The following NME1 variants were observed in gnomAD, a reference collection of about 807,000 sequenced individuals.
The protein encoded by NME1 is nucleoside diphosphate kinase A.
Under a neutral mutation model 17.2 loss-of-function variants are expected in NME1, and 9 were observed. The observed-to-expected ratio is 0.52, with a 90% CI of 0.32 to 0.92. The LOEUF (loss-of-function observed/expected upper bound fraction) is 0.92. Ranked by LOEUF, NME1 falls within the 40% of genes least tolerant of loss-of-function variation. The probability of loss-of-function intolerance (pLI) is 0.04; values close to 1 mark genes in which losing one functional copy is unlikely to be tolerated. For synonymous variants in NME1, 72 were observed against 70.8 expected, an observed-to-expected ratio of 1.02 and a Z score of -0.09; for missense variants, 169 against 201.7, an observed-to-expected ratio of 0.84 and a Z score of 0.98.
Position 51,162,076 on chromosome 17 carries a change from T to C in NME1, c.*231T>C, listed in dbSNP as rs2049872316. 1 of 479,152 alleles carries C rather than the reference T, an allele frequency of 2.1e-6. No individual in the cohort carries two copies. Among genetic ancestry groups the C allele is most frequent in the Non-Finnish European group, 3.8e-6 (1 of 263,062 alleles). 29.7% of individuals were successfully genotyped at this position (479,152 alleles called of 1,614,324 possible). A position where few individuals can be genotyped will look rare whatever the true frequency, so the allele number is the denominator to read the frequency against. Reference sequence around the variant, plus strand: ...TGGTTACTTCATATTGTTGCATTGCTTTTTTTTCCTTCTTTTCATGTACAC... The same window carrying C: ...TGGTTACTTCATATTGTTGCATTGCCTTTTTTTCCTTCTTTTCATGTACAC... On this transcript the variant is annotated 3_prime_UTR_variant, in exon 5 of 5. Transcript: ENST00000393196.
chr17:51,155,804 T>G, intron 2 of NME1, 24 bp downstream of exon 2: 1 of 1,612,242 alleles, frequency 6.2e-7, no homozygotes, highest in South Asian at 1.1e-5. Context: ...ATTGTTCCCA[T>G]TTTGATTCCT....
intron 2 of NME1, chr17:51,156,006 G>C: frequency 2.1e-6 from 1 of 481,724 alleles, no homozygotes; most frequent in South Asian, 2.0e-5. Context: ...GAGGTGCATT[G>C]CTACGGGAAA....
chr17:51,161,618 A>G (rs2049865455), intron 4 of NME1, 110 bp from the exon 5 acceptor site: 13 of 885,598 alleles, frequency 1.5e-5, no homozygotes, highest in Non-Finnish European at 2.5e-5. Context: ...AACATGGTCT[A>G]ATGTCCATGG....
rs978805401 is a variant in NME1 at position 51,162,064 on chromosome 17, T to C, written c.*219T>C. ...GATTCATTGAGTTGGTTACTTCATA[T>C]TGTTGCATTGCTTTTTTTTCCTTCT... On this transcript the variant is annotated 3_prime_UTR_variant, in exon 5 of 5. Coordinates refer to ENST00000393196, the MANE Select transcript of NME1 (RefSeq NM_000269.3). The C allele has an allele frequency of 1.1e-5, 6 of 528,400 alleles. No homozygotes were observed. Among genetic ancestry groups the C allele is most frequent in the Admixed American group, 9.6e-5 (3 of 31,188 alleles). 32.7% of individuals were successfully genotyped at this position (528,400 alleles called of 1,614,324 possible). A position where few individuals can be genotyped will look rare whatever the true frequency, so the allele number is the denominator to read the frequency against.
intron 3 of NME1, 127 bp from the exon 4 acceptor site, chr17:51,161,033 C>T (rs2049857018): frequency 1.1e-6 from 1 of 949,766 alleles, no homozygotes. Context: ...ACTCTATAAA[C>T]ATTTGTTCAG....
chr17:51,159,284 T>C (rs2049830467), intron 2 of NME1, among the ~76,000 whole-genome samples: 1 of 151,956 alleles, frequency 6.6e-6, no homozygotes, highest in South Asian at 2.1e-4. Context: ...TGAGACCCTA[T>C]CTCTACAAAT....
Position 51,155,726 on chromosome 17 carries a change from T to A in NME1, c.72T>A (p.Ile24=), listed in dbSNP as rs2049776688. Residue 24 remains isoleucine (I), a synonymous_variant, in exon 2 of 5, where the codon ATT becomes ATA. Coordinates refer to ENST00000393196, the MANE Select transcript of NME1 (RefSeq NM_000269.3). ...TCCAGCGGGGTCTTGTGGGAGAGATTATCAAGCGTTTTGAGCAGAAAGGAT... is the reference window on the plus strand; with the variant it reads ...TCCAGCGGGGTCTTGTGGGAGAGATAATCAAGCGTTTTGAGCAGAAAGGAT... ...DGVQRGLVGE[I]IKRFEQKGFR... 7 of 1,614,150 alleles carry A rather than the reference T, an allele frequency of 4.3e-6. No individual in the cohort carries two copies. The highest frequency in any genetic ancestry group is 5.9e-6 in the Non-Finnish European group (7 of 1,180,010).
At position 51,153,661 on chromosome 17, in the gene NME1, G is replaced by GCT. The variant is rs1568119259; in HGVS notation, c.-6_-5insCT. On this transcript the variant is annotated splice_region_variant and 5_prime_UTR_variant, in exon 1 of 5. Transcript: ENST00000393196. ...GGAGTTCAAACCTAAGCAGCTGGAA[G>GCT]GGTAAGAGGTGTTCGGGATCCTGAG... 6.6e-6 allele frequency: 1 copy of GCT among 152,564 alleles called. No individual in the cohort carries two copies. Among genetic ancestry groups the GCT allele is most frequent in the Non-Finnish European group, 1.5e-5 (1 of 68,264 alleles). The allele number at this position is 152,564 out of a possible 1,614,324, so 9.5% of individuals were successfully genotyped here.
intron 1 of NME1, chr17:51,154,488 G>A (rs752557824): frequency 2.0e-6 from 3 of 1,527,444 alleles, no homozygotes; most frequent in Non-Finnish European, 2.7e-6. Context: ...GGATCTGGAC[G>A]GAATAGTTAC....
At chr17:51,155,241 C>CAAA (rs35964095) in intron 1 of NME1, among the ~76,000 whole-genome samples, 8 of 100,472 alleles carry the variant, frequency 8.0e-5, no homozygotes, top group African/African-American at 2.6e-4. Context: ...GACTCCATAC[C>CAAA]AAAAAAAAAA....
chr17:51,154,256 A>T, intron 1 of NME1: 1 of 892,858 alleles, frequency 1.1e-6, no homozygotes, highest in Non-Finnish European at 1.9e-6. Flanking sequence ...GAGTCTCTAC[A>T]CAGGACTAAG....
chr17:51,161,104 G>C, intron 3 of NME1, 56 bp from the exon 4 acceptor site: 1 of 1,545,176 alleles, frequency 6.5e-7, no homozygotes, highest in Non-Finnish European at 8.8e-7. Flanking sequence ...ATAGTTGCCA[G>C]ATTTTCTGCT....
chr17:51,155,985 C>T, intron 2 of NME1: 1 of 615,014 alleles, frequency 1.6e-6, no homozygotes, highest in East Asian at 4.1e-5. Flanking sequence ...CCAAAATAGT[C>T]TCTGTAATAG....
intron 1 of NME1, chr17:51,154,220 G>T: frequency 1.4e-6 from 1 of 706,410 alleles, no homozygotes; most frequent in South Asian, 1.5e-5. Flanking sequence ...CCTATTGACT[G>T]CTAGGCCCTG....
chr17:51,155,508 G>A, intron 1 of NME1, 143 bp from the exon 2 acceptor site: 1 of 1,127,084 alleles, frequency 8.9e-7, no homozygotes, highest in Non-Finnish European at 1.3e-6. Context: ...GGGGACTGGG[G>A]AGGAATTGGG....
chr17:51,160,398 C>A (rs1381141251), intron 3 of NME1: 2 of 413,494 alleles, frequency 4.8e-6, no homozygotes, highest in Non-Finnish European at 4.6e-6. Flanking sequence ...TCCAGCCAAG[C>A]AAACAGCATG....
intron 1 of NME1, chr17:51,154,223 A>G (rs1483363890): frequency 9.7e-6 from 7 of 724,550 alleles, no homozygotes; most frequent in South Asian, 8.7e-5. Context: ...ATTGACTGCT[A>G]GGCCCTGTGG....
At chr17:51,161,310 G>C in intron 4 of NME1, 38 bp downstream of exon 4, 8 of 1,552,098 alleles carry the variant, frequency 5.2e-6, no homozygotes, top group Non-Finnish European at 7.0e-6. Context: ...TCCAAAATCT[G>C]ATTTAGTTGC....
At chr17:51,154,567 C>A in intron 1 of NME1, 1 of 803,598 alleles carries the variant, frequency 1.2e-6, no homozygotes, top group Non-Finnish European at 2.1e-6. Flanking sequence ...CTCCCACACC[C>A]CACCGTTTAT....
Sources: gnomAD v4.1 joint callset for allele counts (sites outside exome capture counted in the v4.1 genomes callset) on GRCh38, gnomAD v4.1.1 for gene constraint, MANE v1.5 for transcripts, NCBI Gene and HGNC (gene_info 2026-07-23, HGNC 2026-07-21) for gene names.